The following CDH13 variants were observed in gnomAD, a reference collection of about 807,000 sequenced individuals.
CDH13 encodes cadherin 13, also known as cadherin-13.
In CDH13, 24 loss-of-function variants were observed where a neutral mutation model predicts 63.8. The observed-to-expected ratio is 0.38, with a 90% CI of 0.27 to 0.53. CDH13 has a LOEUF of 0.53. Ranked by LOEUF, CDH13 falls within the 20% of genes least tolerant of loss-of-function variation. The pLI is 0.85. For synonymous variants in CDH13, 503 were observed against 355.3 expected (o/e 1.42, Z -4.67); for missense variants, 1,049 against 903.1 (o/e 1.16, Z -2.07).
At chr16:83,471,999 C>T (rs1009310517) in intron 6 of CDH13, among the ~76,000 whole-genome samples, 18 of 152,190 alleles carry the variant, frequency 1.2e-4, no homozygotes, top group African/African-American at 4.3e-4. Flanking sequence ...GAAGACTTCT[C>T]TTCTGCTTCT....
intron 5 of CDH13, among the ~76,000 whole-genome samples, chr16:83,308,686 A>G (rs1470983278): frequency 2.0e-5 from 3 of 152,150 alleles, no homozygotes; most frequent in East Asian, 3.9e-4. Flanking sequence ...TGCCTGGGAG[A>G]AAAAAGGAAG....
intron 3 of CDH13, among the ~76,000 whole-genome samples, chr16:83,054,988 G>A (rs1056576118): frequency 3.3e-5 from 5 of 152,038 alleles, no homozygotes; most frequent in Non-Finnish European, 4.4e-5. Context: ...CATACAGATT[G>A]TATATTCTGA....
intron 3 of CDH13, among the ~76,000 whole-genome samples, chr16:83,117,031 A>G (rs745550328): frequency 3.3e-5 from 5 of 152,252 alleles, no homozygotes; most frequent in South Asian, 2.1e-4. Context: ...CAGTGAATGT[A>G]GCTTGTTATC....
chr16:83,702,917 A>G (rs1430686564), intron 10 of CDH13, among the ~76,000 whole-genome samples: 2 of 152,208 alleles, frequency 1.3e-5, no homozygotes, highest in Non-Finnish European at 2.9e-5. Flanking sequence ...ACCTTAGCAT[A>G]GGATGCATGT....
chr16:83,359,922 C>T (rs1019342803), intron 6 of CDH13, among the ~76,000 whole-genome samples: 14 of 152,196 alleles, frequency 9.2e-5, no homozygotes, highest in African/African-American at 2.4e-4. Flanking sequence ...CAGAATGGAA[C>T]CCTGTAGCCA....
chr16:82,820,300 C>T (rs895990975), intron 1 of CDH13, among the ~76,000 whole-genome samples: 1 of 152,154 alleles, frequency 6.6e-6, no homozygotes, highest in Non-Finnish European at 1.5e-5. Context: ...TACGTTGGTA[C>T]TCATAAAAGA....
rs534090806 is a variant in CDH13, at chr16:82,960,832, T to C, written c.158-71178T>C. ...TTTTTTAATCTTTAAAAAAAATTAT[T>C]GTTAATACAAATAAGTCTATTGTGA... is the stretch of plus-strand genomic sequence containing the variant. On this transcript the variant is annotated intron_variant, in intron 2 of 13. Transcript: ENST00000567109. 5.8e-4 allele frequency among the ~76,000 whole-genome samples: 88 copies of C among 152,286 alleles called. 2 individuals are homozygous for C. In the Middle Eastern group the frequency reaches 0.017, roughly 29 times the overall value.
At chr16:83,602,264 G>C (rs1279925249) in intron 7 of CDH13, among the ~76,000 whole-genome samples, 190 bp from the exon 8 acceptor site, 1 of 151,780 alleles carries the variant, frequency 6.6e-6, no homozygotes, top group South Asian at 2.1e-4. Flanking sequence ...TTTGAATAGT[G>C]ACTGTCTTAT....
chr16:83,268,584 C>A (rs980438437), intron 5 of CDH13, among the ~76,000 whole-genome samples: 1 of 152,146 alleles, frequency 6.6e-6, no homozygotes, highest in African/African-American at 2.4e-5. Flanking sequence ...ACAAAGTCTA[C>A]GTTTCTACGT....
chr16:82,693,000 C>T (rs1028393619), intron 1 of CDH13, among the ~76,000 whole-genome samples: 4 of 152,178 alleles, frequency 2.6e-5, no homozygotes, highest in Non-Finnish European at 5.9e-5. Flanking sequence ...TTGTTAGATT[C>T]TCTCTCTTGC....
At chr16:83,543,376 A>G (rs1263542235) in intron 7 of CDH13, among the ~76,000 whole-genome samples, 1 of 152,226 alleles carries the variant, frequency 6.6e-6, no homozygotes, top group African/African-American at 2.4e-5. Flanking sequence ...ATTAAATGAC[A>G]TGGCTCCTTT....
At chr16:82,836,150 G>A (rs2038757120) in intron 1 of CDH13, among the ~76,000 whole-genome samples, 1 of 152,028 alleles carries the variant, frequency 6.6e-6, no homozygotes. Context: ...TTTTGAGATG[G>A]AGTTTCACTC....
chr16:82,674,225 C>T (rs1157900921), intron 1 of CDH13, among the ~76,000 whole-genome samples: 2 of 152,124 alleles, frequency 1.3e-5, no homozygotes, highest in African/African-American at 4.8e-5. Context: ...CTGCATTGGC[C>T]TATGGAAGTC....
At chr16:83,098,072 A>G (rs1393601998) in intron 3 of CDH13, among the ~76,000 whole-genome samples, 3 of 152,242 alleles carry the variant, frequency 2.0e-5, no homozygotes, top group Non-Finnish European at 4.4e-5. Flanking sequence ...TCCAGATAAG[A>G]GAGAGCACCG....
intron 5 of CDH13, among the ~76,000 whole-genome samples, chr16:83,286,904 G>T (rs190984052): frequency 6.6e-5 from 10 of 151,962 alleles, no homozygotes; most frequent in African/African-American, 2.4e-4. Flanking sequence ...AGTGAAGCAA[G>T]GGCTGGATAT....
chr16:83,217,336 T>C lies in CDH13; in HGVS notation c.484-9T>C. 1 of 1,613,818 alleles carries C rather than the reference T, an allele frequency of 6.2e-7. No homozygotes were observed. Among genetic ancestry groups the C allele is most frequent in the East Asian group, 2.2e-5 (1 of 44,882 alleles). ...GCAGTTTTAAATGTCTCTCTGTTTT[T>C]CTGACTAGGTAGTCGATAGTGACAG... On this transcript the variant is annotated splice_polypyrimidine_tract_variant and intron_variant, in intron 4 of 13. Transcript: ENST00000567109.
chr16:82,738,633 T>TC (rs1597444936), intron 1 of CDH13, among the ~76,000 whole-genome samples: 1 of 152,342 alleles, frequency 6.6e-6, no homozygotes, highest in African/African-American at 2.4e-5. Flanking sequence ...AAGATACCTT[T>TC]CAGGTTCCTG....
chr16:83,686,087 C>T (rs1045793785), intron 10 of CDH13, among the ~76,000 whole-genome samples: 1 of 152,130 alleles, frequency 6.6e-6, no homozygotes, highest in Non-Finnish European at 1.5e-5. Context: ...CTCCCTGAGC[C>T]GTGGTTAAAG....
chr16:82,940,542 G>T (rs1904276300), intron 2 of CDH13, among the ~76,000 whole-genome samples: 1 of 152,078 alleles, frequency 6.6e-6, no homozygotes, highest in Admixed American at 6.6e-5. Context: ...TCCAGATTTG[G>T]TTCAGGTAAA....
Sources: allele counts gnomAD v4.1 joint callset (sites outside exome capture counted in the v4.1 genomes callset), GRCh38; gene constraint gnomAD v4.1.1; transcripts MANE v1.5; gene names NCBI Gene and HGNC (gene_info 2026-07-23, HGNC 2026-07-21).